Variants in LRRC4C observed in about 807,000 individuals in gnomAD.
LRRC4C encodes the protein leucine-rich repeat-containing protein 4C.
A neutral mutation model predicts 33.6 loss-of-function variants in LRRC4C; 5 were observed. That is an observed-to-expected ratio of 0.15 (90% confidence interval 0.08 to 0.31). The LOEUF is 0.31. LRRC4C is among the 10% of genes least tolerant of loss of function. The pLI, the probability that LRRC4C is intolerant of heterozygous loss-of-function variation, is 1.00. For synonymous variants in LRRC4C, 329 were observed against 302.0 expected, an observed-to-expected ratio of 1.09 and a Z score of -0.93; for missense variants, 560 against 796.7, an observed-to-expected ratio of 0.70 and a Z score of 3.58.
At chr11:40,208,906 G>A (rs148463750) in intron 5 of LRRC4C, among the ~76,000 whole-genome samples, 355 of 151,356 alleles carry the variant, frequency 2.3e-3, no homozygotes, top group African/African-American at 8.3e-3. Context: ...ATTTACACAA[G>A]AAAACAGTCA....
At chr11:40,369,967 C>T (rs974562428) in intron 3 of LRRC4C, among the ~76,000 whole-genome samples, 4 of 151,944 alleles carry the variant, frequency 2.6e-5, no homozygotes, top group South Asian at 2.1e-4. Flanking sequence ...ATGAATATAT[C>T]GATCAGGTTA....
intron 1 of LRRC4C, among the ~76,000 whole-genome samples, chr11:41,397,472 A>G (rs778534210): frequency 5.9e-5 from 9 of 151,934 alleles, no homozygotes; most frequent in Non-Finnish European, 1.3e-4. Flanking sequence ...TTTATTATAA[A>G]GATATAGTAT....
intron 2 of LRRC4C, among the ~76,000 whole-genome samples, chr11:40,837,676 CAAAAAAA>C (rs139136576): frequency 9.2e-6 from 1 of 108,496 alleles, no homozygotes. Context: ...CCTGTCTCTT[CAAAAAAA>C]AAAAAAAAAA....
rs371957501 is a variant in LRRC4C, at chr11:40,186,975, G to A, written c.-95-46122C>T. 2.4e-4 allele frequency among the ~76,000 whole-genome samples: 36 copies of A among 152,262 alleles called. 1 individual carries two copies. In the East Asian group the frequency reaches 4.1e-3, roughly 17 times the overall value. On this transcript the variant is annotated intron_variant, in intron 5 of 6. Coordinates refer to ENST00000528697, the MANE Select transcript of LRRC4C (RefSeq NM_001258419.2). ...TGAGAGTGGCAGGGCTGTGCTGGGG[G>A]ATGGCAGCAACTGCTGCCACTGACA...
At chr11:40,552,446 C>A (rs184823407) in intron 3 of LRRC4C, among the ~76,000 whole-genome samples, 1 of 152,234 alleles carries the variant, frequency 6.6e-6, no homozygotes, top group East Asian at 1.9e-4. Flanking sequence ...ATAAATAAGT[C>A]TTTGATGGAA....
At chr11:40,245,170 G>A (rs1866232601) in intron 4 of LRRC4C, among the ~76,000 whole-genome samples, 1 of 152,064 alleles carries the variant, frequency 6.6e-6, no homozygotes, top group African/African-American at 2.4e-5. Context: ...TAGGAATTGT[G>A]TTCAAATTCA....
intron 1 of LRRC4C, among the ~76,000 whole-genome samples, chr11:41,193,977 C>G (rs1232275745): frequency 6.6e-6 from 1 of 151,908 alleles, no homozygotes; most frequent in African/African-American, 2.4e-5. Flanking sequence ...CTTGCCTCCC[C>G]TTCCATCTCC....
At chr11:40,931,157 T>A in intron 2 of LRRC4C, among the ~76,000 whole-genome samples, 1 of 152,018 alleles carries the variant, frequency 6.6e-6, no homozygotes, top group East Asian at 1.9e-4. Flanking sequence ...AAGAAAAGAA[T>A]CAAACAGCAA....
intron 3 of LRRC4C, among the ~76,000 whole-genome samples, chr11:40,509,483 T>C (rs547934217): frequency 2.6e-5 from 4 of 152,102 alleles, no homozygotes; most frequent in African/African-American, 7.2e-5. Context: ...TGCTGGTTTT[T>C]AAAATTTTTT....
chr11:40,905,090 G>A (rs1410505701), intron 2 of LRRC4C, among the ~76,000 whole-genome samples: 2 of 152,084 alleles, frequency 1.3e-5, no homozygotes, highest in African/African-American at 4.8e-5. Context: ...GTACAGGAGT[G>A]TATATATAGA....
chr11:40,475,530 C>T (rs935928499), intron 3 of LRRC4C, among the ~76,000 whole-genome samples: 1 of 152,044 alleles, frequency 6.6e-6, no homozygotes, highest in Non-Finnish European at 1.5e-5. Context: ...AGCAAACCAC[C>T]ATGGCAAGTG....
chr11:41,139,112 G>A (rs796291901), intron 1 of LRRC4C, among the ~76,000 whole-genome samples: 4 of 152,180 alleles, frequency 2.6e-5, no homozygotes, highest in African/African-American at 9.6e-5. Context: ...CATATATAAA[G>A]TGCTTCTTTC....
rs533553744 is a variant in LRRC4C, at chr11:41,071,764, G to A, written c.-495-138041C>T. On this transcript the variant is annotated intron_variant, in intron 1 of 6. Coordinates refer to ENST00000528697, the MANE Select transcript of LRRC4C (RefSeq NM_001258419.2). Reference sequence around the variant, plus strand: ...TACCATAGATAGTACTTCCTGTGACGGATCTGGGCAAAGTAAATTGAAAAC... The same window carrying A: ...TACCATAGATAGTACTTCCTGTGACAGATCTGGGCAAAGTAAATTGAAAAC... 2.1e-3 allele frequency among the ~76,000 whole-genome samples: 320 copies of A among 152,210 alleles called. 8 individuals carry two copies. The highest frequency in any genetic ancestry group is 0.02 in the Middle Eastern group (6 of 294).
chr11:41,066,646 G>A (rs1938261706), intron 1 of LRRC4C, among the ~76,000 whole-genome samples: 1 of 152,148 alleles, frequency 6.6e-6, no homozygotes, highest in Non-Finnish European at 1.5e-5. Context: ...AGGAAAAAAT[G>A]TTAATGGCAG....
At chr11:41,032,104 A>G (rs992364049) in intron 1 of LRRC4C, among the ~76,000 whole-genome samples, 1 of 152,056 alleles carries the variant, frequency 6.6e-6, no homozygotes, top group Non-Finnish European at 1.5e-5. Context: ...TGTGAAACAC[A>G]CAATGGGAAT....
At chr11:40,716,986 T>C (rs1478540922) in intron 2 of LRRC4C, among the ~76,000 whole-genome samples, 1 of 152,192 alleles carries the variant, frequency 6.6e-6, no homozygotes, top group Non-Finnish European at 1.5e-5. Context: ...AAACATCATG[T>C]TGCCCTTTTT....
intron 2 of LRRC4C, among the ~76,000 whole-genome samples, chr11:40,811,911 C>T (rs916402388): frequency 1.3e-5 from 2 of 152,182 alleles, no homozygotes; most frequent in African/African-American, 4.8e-5. Flanking sequence ...ATAATAGCAA[C>T]TCTGCCAGGA....
chr11:40,274,953 A>G (rs866198208), intron 4 of LRRC4C, among the ~76,000 whole-genome samples: 16 of 152,136 alleles, frequency 1.1e-4, no homozygotes, highest in African/African-American at 3.9e-4. Context: ...TAATGTTTAT[A>G]GCTTATGGCA....
intron 1 of LRRC4C, among the ~76,000 whole-genome samples, chr11:41,165,752 G>C (rs981742208): frequency 6.6e-6 from 1 of 152,076 alleles, no homozygotes; most frequent in Admixed American, 6.5e-5. Context: ...AAAAGGGGCC[G>C]GGCATAGTGG....
Sources: gnomAD v4.1 joint callset for allele counts (sites outside exome capture counted in the v4.1 genomes callset) on GRCh38, gnomAD v4.1.1 for gene constraint, MANE v1.5 for transcripts, NCBI Gene and HGNC (gene_info 2026-07-23, HGNC 2026-07-21) for gene names.